The following ASB7 variants were observed in gnomAD, a reference collection of about 807,000 sequenced individuals.
ASB7 encodes ankyrin repeat and SOCS box containing 7, also known as ankyrin repeat and SOCS box protein 7.
A neutral mutation model predicts 32.5 loss-of-function variants in ASB7; 4 were observed. The observed-to-expected ratio is 0.12, with a 90% CI of 0.06 to 0.28. ASB7 has a LOEUF of 0.28. ASB7 is among the 10% of genes least tolerant of loss of function. The probability of loss-of-function intolerance (pLI) is 1.00; values close to 1 mark genes in which losing one functional copy is unlikely to be tolerated. For missense variants in ASB7, 181 were observed against 407.1 expected (o/e 0.44, Z 4.78); for synonymous variants, 172 against 155.6 (o/e 1.11, Z -0.78).
intron 5 of ASB7, among the ~76,000 whole-genome samples, chr15:100,637,844 C>G (rs910156709): frequency 3.3e-5 from 5 of 152,182 alleles, no homozygotes; most frequent in Non-Finnish European, 5.9e-5. Flanking sequence ...AATGCAGAAG[C>G]AGATCTCTGA....
intron 5 of ASB7, among the ~76,000 whole-genome samples, chr15:100,643,526 G>C (rs933806004): frequency 8.9e-6 from 1 of 112,750 alleles, no homozygotes; most frequent in African/African-American, 3.6e-5. Context: ...GGCTCATTCT[G>C]TCTCCCAGGC....
chr15:100,621,516 C>A (rs1416071928), intron 4 of ASB7, among the ~76,000 whole-genome samples: 1 of 152,096 alleles, frequency 6.6e-6, no homozygotes, highest in East Asian at 1.9e-4. Context: ...TATTCTTTTA[C>A]CTTTGAGTAC....
At position 100,642,763 on chromosome 15, in the gene ASB7, G is replaced by A. The variant is rs137971987; in HGVS notation, c.818-5560G>A. Among the ~76,000 whole-genome samples, 580 of 152,356 alleles carry A rather than the reference G, an allele frequency of 3.8e-3. 2 individuals are homozygous for A. Among genetic ancestry groups the A allele is most frequent in the African/African-American group, 0.013 (530 of 41,572 alleles). ...AAATGGCTCACTCTTGCGGCCGGGCGCGGTGGCTCATGCCTGCCATCCCAG... is the reference window on the plus strand; with the variant it reads ...AAATGGCTCACTCTTGCGGCCGGGCACGGTGGCTCATGCCTGCCATCCCAG... On this transcript the variant is annotated intron_variant, in intron 5 of 5. Coordinates refer to ENST00000332783, the MANE Select transcript of ASB7 (RefSeq NM_198243.3).
chr15:100,622,221 A>AAAAAGAAAAAAAC (rs1456971751), intron 4 of ASB7, among the ~76,000 whole-genome samples: 5 of 152,270 alleles, frequency 3.3e-5, no homozygotes, highest in Non-Finnish European at 5.9e-5. Flanking sequence ...AAGAAAAAAA[A>AAAAAGAAAAAAAC]CCCAACAACC....
In ASB7 at chr15:100,651,042, C is replaced by T. The variant is rs1166654819; in HGVS notation, c.*2580C>T. 1 of 152,156 alleles carries T rather than the reference C, an allele frequency of 6.6e-6. No homozygotes were observed. The highest frequency in any genetic ancestry group is 6.5e-5 in the Admixed American group (1 of 15,276). 9.4% of individuals were successfully genotyped at this position (152,156 alleles called of 1,614,324 possible). A position where few individuals can be genotyped will look rare whatever the true frequency, so the allele number is the denominator to read the frequency against. ...ATGTTCAGAATATTTTCAAATTTGT[C>T]AGATTCTTTTATGTTTCCTTTGAAA... On this transcript the variant is annotated 3_prime_UTR_variant, in exon 6 of 6. Coordinates refer to ENST00000332783, the MANE Select transcript of ASB7 (RefSeq NM_198243.3).
chr15:100,647,940 C>A (rs193297184), intron 5 of ASB7, among the ~76,000 whole-genome samples: 16 of 152,266 alleles, frequency 1.1e-4, no homozygotes, highest in African/African-American at 3.9e-4. Context: ...GCTCACCCAG[C>A]GTGAGAGAGA....
chr15:100,614,351 A>G (rs1250455447), intron 4 of ASB7, among the ~76,000 whole-genome samples: 1 of 152,124 alleles, frequency 6.6e-6, no homozygotes, highest in African/African-American at 2.4e-5. Flanking sequence ...AACATCAATG[A>G]TAATACTGAC....
chr15:100,610,494 C>CAA (rs5814978), intron 3 of ASB7, among the ~76,000 whole-genome samples: 47,002 of 136,584 alleles, frequency 0.34, 8,063 homozygotes, highest in East Asian at 0.65. Context: ...GACTCCGTCT[C>CAA]AAAAAAAAAA....
At chr15:100,618,417 G>A (rs1171912179) in intron 4 of ASB7, among the ~76,000 whole-genome samples, 3 of 151,980 alleles carry the variant, frequency 2.0e-5, no homozygotes, top group Non-Finnish European at 4.4e-5. Context: ...GTCCAGTCTC[G>A]AAACAATGTA....
intron 5 of ASB7, among the ~76,000 whole-genome samples, chr15:100,641,000 G>T (rs1015172618): frequency 6.6e-6 from 1 of 152,156 alleles, no homozygotes; most frequent in African/African-American, 2.4e-5. Context: ...ATCCCCTAAA[G>T]GGTTTGTAAT....
intron 5 of ASB7, among the ~76,000 whole-genome samples, chr15:100,644,326 A>C (rs1200579336): frequency 6.6e-6 from 1 of 152,286 alleles, no homozygotes; most frequent in Admixed American, 6.5e-5. Context: ...GAAGATTCAC[A>C]TGTAATTCAC....
chr15:100,605,607 A>G (rs1355621653), intron 2 of ASB7, among the ~76,000 whole-genome samples: 2 of 152,174 alleles, frequency 1.3e-5, no homozygotes, highest in Non-Finnish European at 2.9e-5. Flanking sequence ...GCCAGATATG[A>G]TTTATATGGG....
intron 4 of ASB7, among the ~76,000 whole-genome samples, chr15:100,628,062 A>G (rs1220902978): frequency 6.6e-6 from 1 of 152,230 alleles, no homozygotes; most frequent in Non-Finnish European, 1.5e-5. Context: ...CAGATACTGT[A>G]TATTTTTCTT....
intron 2 of ASB7, among the ~76,000 whole-genome samples, chr15:100,606,391 A>AATG (rs1174410498): frequency 6.6e-6 from 1 of 152,220 alleles, no homozygotes; most frequent in Non-Finnish European, 1.5e-5. Context: ...GTGGACTTTT[A>AATG]ATGATAATAA....
At chr15:100,603,707 A>G (rs1421338506) in intron 2 of ASB7, among the ~76,000 whole-genome samples, 2 of 152,088 alleles carry the variant, frequency 1.3e-5, no homozygotes, top group African/African-American at 4.8e-5. Flanking sequence ...TTAAACCACA[A>G]TTTACTGTTT....
At position 100,617,365 on chromosome 15, in the gene ASB7, CCTTTCCAGCTGCAG is replaced by C. The variant is rs2039752546; in HGVS notation, c.211+4943_211+4956del. Among the ~76,000 whole-genome samples, 4 of 152,206 alleles carry C rather than the reference CCTTTCCAGCTGCAG, an allele frequency of 2.6e-5. No individual in the cohort carries two copies. In the South Asian group the frequency reaches 8.3e-4, roughly 32 times the overall value. On this transcript the variant is annotated intron_variant, in intron 4 of 5. Transcript: ENST00000332783. ...GTGCTGCAGTGCCTGGCCCCTCTTA[CCTTTCCAGCTGCAG>C]CTTTGAGCCACAGCCCCTCTGCATT...
At chr15:100,615,916 T>C (rs2039739290) in intron 4 of ASB7, among the ~76,000 whole-genome samples, 1 of 152,270 alleles carries the variant, frequency 6.6e-6, no homozygotes, top group Non-Finnish European at 1.5e-5. Flanking sequence ...TTTCTGCTAC[T>C]AGAAACATTA....
In ASB7 at chr15:100,612,201, A is replaced by G. The variant is rs1424159418; in HGVS notation, c.-16A>G. ...GTAACCTAATGAATCCTTTGTAAAA[A>G]GTGGACTCAGCTAGGATGTTACACC... On this transcript the variant is annotated 5_prime_UTR_variant, in exon 4 of 6. Transcript: ENST00000332783. 2.5e-6 allele frequency: 4 copies of G among 1,599,776 alleles called. No individual in the cohort carries two copies. Among genetic ancestry groups the G allele is most frequent in the Non-Finnish European group, 3.4e-6 (4 of 1,167,564 alleles).
At chr15:100,614,742 CAAAAAA>C (rs58705118) in intron 4 of ASB7, among the ~76,000 whole-genome samples, 2 of 57,220 alleles carry the variant, frequency 3.5e-5, no homozygotes, top group South Asian at 6.9e-4. Context: ...AGCTGATGAG[CAAAAAA>C]AAAAAAAAAA....
Sources: allele counts gnomAD v4.1 joint callset (sites outside exome capture counted in the v4.1 genomes callset), GRCh38; gene constraint gnomAD v4.1.1; transcripts MANE v1.5; gene names NCBI Gene and HGNC (gene_info 2026-07-23, HGNC 2026-07-21).